TNFSF13: variants seen among roughly 807,000 people sequenced by gnomAD.
TNFSF13 encodes the protein tumor necrosis factor ligand superfamily member 13.
TNFSF13 carries 18 observed loss-of-function variants against 30.7 expected under a neutral mutation model. The ratio of observed to expected loss-of-function variants is 0.59; its 90% CI spans 0.41 to 0.87. TNFSF13 has a LOEUF of 0.87. Among genes scored for constraint, TNFSF13 ranks in the 40% least tolerant of loss-of-function variants. The probability of loss-of-function intolerance (pLI) is 0.00; values close to 1 mark genes in which losing one functional copy is unlikely to be tolerated. For synonymous variants in TNFSF13, 116 were observed against 123.2 expected (o/e 0.94, Z 0.39); for missense variants, 286 against 308.8 (o/e 0.93, Z 0.55).
chr17:7,559,430 G>A lies in TNFSF13; in HGVS notation c.258+133G>A. On this transcript the variant is annotated intron_variant, in intron 1 of 5. Coordinates refer to ENST00000338784, the MANE Select transcript of TNFSF13 (RefSeq NM_003808.4). The surrounding 1 kb of genome is among the most constrained non-coding windows in gnomAD (Gnocchi z 5.4). ...GGAAGTCAGGGGCGCGGCCATTCCA[G>A]GAAAGGAAACTGTTAAAGGTTAATG... The A allele has an allele frequency of 1.4e-6, 2 of 1,421,864 alleles. No homozygotes were observed. Among genetic ancestry groups the A allele is most frequent in the South Asian group, 2.9e-5 (2 of 67,892 alleles). The allele number at this position is 1,421,864 out of a possible 1,614,324, so 88.1% of individuals were successfully genotyped here. A position where few individuals can be genotyped will look rare whatever the true frequency, so the allele number is the denominator to read the frequency against.
Position 7,561,322 on chromosome 17 carries a change from C to T in TNFSF13, c.*489C>T. On this transcript the variant is annotated 3_prime_UTR_variant, in exon 6 of 6. Transcript: ENST00000338784. The surrounding 1 kb of genome is among the most constrained non-coding windows in gnomAD (Gnocchi z 4.4). Reference sequence around the variant, plus strand: ...CCATCTATCGGACCCCAGTTTCCATCACTATCTCCAGAGATGTAGCTATTA... The same window carrying T: ...CCATCTATCGGACCCCAGTTTCCATTACTATCTCCAGAGATGTAGCTATTA... 2.2e-6 allele frequency: 1 copy of T among 463,118 alleles called. No homozygotes were observed. Among genetic ancestry groups the T allele is most frequent in the Non-Finnish European group, 3.9e-6 (1 of 254,114 alleles). 28.7% of individuals were successfully genotyped at this position (463,118 alleles called of 1,614,324 possible).
In TNFSF13 at chr17:7,559,092, T is replaced by TG; in HGVS notation, c.59dup (p.Val22SerfsTer103). On this transcript the variant is annotated frameshift_variant, in exon 1 of 6. Transcript: ENST00000338784. LOFTEE classifies it high-confidence loss of function. The surrounding 1 kb of genome is among the most constrained non-coding windows in gnomAD (Gnocchi z 5.4). ...GCCCCCAAAGGGCCTCCAGGCAACA[T>TG]GGGGGGCCCAGTCAGAGAGCCGGCA... 1.3e-6 allele frequency: 2 copies of TG among 1,596,428 alleles called. No individual in the cohort carries two copies. The highest frequency in any genetic ancestry group is 1.7e-6 in the Non-Finnish European group (2 of 1,167,518).
chr17:7,559,811 T>G lies in TNFSF13; in HGVS notation c.338-35T>G. ...CTGCCAACAGCACAACGGGGGAAAG[T>G]GGATGCGGCTGAGATTCCCTCCTTC... is the stretch of plus-strand genomic sequence containing the variant. On this transcript the variant is annotated intron_variant, in intron 2 of 5. Transcript: ENST00000338784. The surrounding 1 kb of genome is among the most constrained non-coding windows in gnomAD (Gnocchi z 5.4). 1 of 1,614,008 alleles carries G rather than the reference T, an allele frequency of 6.2e-7. No individual in the cohort carries two copies. Among genetic ancestry groups the G allele is most frequent in the South Asian group, 1.1e-5 (1 of 91,066 alleles).
Position 7,559,938 on chromosome 17 carries a change from AGGAACTC to A in TNFSF13, c.385+48_385+54del. The A allele has an allele frequency of 6.2e-7, 1 of 1,614,052 alleles. No homozygotes were observed. Among genetic ancestry groups the A allele is most frequent in the Non-Finnish European group, 8.5e-7 (1 of 1,180,008 alleles). ...ATGGCTTTGGGGAGGGGCAATAACC[AGGAACTC>A]GGGCTGGCACTTGGGCTCAAGGGGT... On this transcript the variant is annotated intron_variant, in intron 3 of 5. Transcript: ENST00000338784. This position sits in a 1 kb window ranked among gnomAD's most constrained non-coding sequence, Gnocchi z 5.4.
In TNFSF13 at chr17:7,559,999, A is replaced by T. The variant is rs1467814050; in HGVS notation, c.386-50A>T. On this transcript the variant is annotated intron_variant, in intron 3 of 5. Coordinates refer to ENST00000338784, the MANE Select transcript of TNFSF13 (RefSeq NM_003808.4). This position sits in a 1 kb window ranked among gnomAD's most constrained non-coding sequence, Gnocchi z 5.4. ...TATAGGTGAAAGGGAAAGAACCAAA[A>T]AGCACCTGAGAGTGCCAAGAAGTCC... is the stretch of plus-strand genomic sequence containing the variant. 1 of 1,613,930 alleles carries T rather than the reference A, an allele frequency of 6.2e-7. No homozygotes were observed. Among genetic ancestry groups the T allele is most frequent in the Admixed American group, 1.7e-5 (1 of 59,992 alleles).
chr17:7,558,701 A>C (rs1034176340), upstream of TNFSF13: 7 of 173,574 alleles, frequency 4.0e-5, no homozygotes, highest in African/African-American at 9.6e-5. The surrounding 1 kb of genome is among the most constrained non-coding windows in gnomAD (Gnocchi z 4.3). Context: ...CCCTCCCCCA[A>C]CCCTGGGGCC....
Position 7,561,074 on chromosome 17 carries a change from G to A in TNFSF13, c.*241G>A. ...CTTGCGTGTGTGTAGATGAGGGGCG[G>A]GGGACGGGCGCCAGGCATTGTCCAG... On this transcript the variant is annotated 3_prime_UTR_variant, in exon 6 of 6. Coordinates refer to ENST00000338784, the MANE Select transcript of TNFSF13 (RefSeq NM_003808.4). The surrounding 1 kb of genome is among the most constrained non-coding windows in gnomAD (Gnocchi z 4.4). 1.9e-6 allele frequency: 3 copies of A among 1,597,240 alleles called. No homozygotes were observed. Among genetic ancestry groups the A allele is most frequent in the East Asian group, 2.3e-5 (1 of 44,350 alleles).
In TNFSF13 at chr17:7,561,189, C is replaced by G. The variant is rs924010069; in HGVS notation, c.*356C>G. 2 of 882,336 alleles carry G rather than the reference C, an allele frequency of 2.3e-6. No individual in the cohort carries two copies. Among genetic ancestry groups the G allele is most frequent in the African/African-American group, 3.3e-5 (2 of 59,930 alleles). The allele number at this position is 882,336 out of a possible 1,614,324, so 54.7% of individuals were successfully genotyped here. A position where few individuals can be genotyped will look rare whatever the true frequency, so the allele number is the denominator to read the frequency against. Reference sequence around the variant, plus strand: ...GCACCCGCCGGTTGGCCGAAGTCCACGAAGCCGCCCTCTGCTAGGGAAAAC... The same window carrying G: ...GCACCCGCCGGTTGGCCGAAGTCCAGGAAGCCGCCCTCTGCTAGGGAAAAC... On this transcript the variant is annotated 3_prime_UTR_variant, in exon 6 of 6. Coordinates refer to ENST00000338784, the MANE Select transcript of TNFSF13 (RefSeq NM_003808.4). The surrounding 1 kb of genome is among the most constrained non-coding windows in gnomAD (Gnocchi z 4.4).
In TNFSF13 at chr17:7,560,418, G is replaced by C. The variant is rs769120364; in HGVS notation, c.573G>C (p.Glu191Asp). 4.3e-6 allele frequency: 7 copies of C among 1,614,200 alleles called. No homozygotes were observed. The highest frequency in any genetic ancestry group is 5.9e-6 in the Non-Finnish European group (7 of 1,180,028). The change falls in exon 5 of 6, where the codon GAG becomes GAC. Residue 191 changes from glutamate (E) to aspartate (D), a missense_variant. Glu to Asp is a conservative substitution (Grantham distance 45). Coordinates refer to ENST00000338784, the MANE Select transcript of TNFSF13 (RefSeq NM_003808.4). The stretch of plus-strand genomic sequence containing the variant: ...CTCGAGAAGGCCAAGGAAGGCAGGA[G>C]ACTCTATTCCGATGTATAAGAAGTA... ...VVSREGQGRQ[E>D]TLFRCIRSMP...
chr17:7,561,054 G>A lies in TNFSF13; in HGVS notation c.*221G>A. The A allele has an allele frequency of 6.2e-7, 1 of 1,613,842 alleles. No homozygotes were observed. Among genetic ancestry groups the A allele is most frequent in the Non-Finnish European group, 8.5e-7 (1 of 1,179,880 alleles). ...TCCCCATGGAGCTCCGAATTCTTGCGTGTGTGTAGATGAGGGGCGGGGGAC... is the reference window on the plus strand; with the variant it reads ...TCCCCATGGAGCTCCGAATTCTTGCATGTGTGTAGATGAGGGGCGGGGGAC... On this transcript the variant is annotated 3_prime_UTR_variant, in exon 6 of 6. Coordinates refer to ENST00000338784, the MANE Select transcript of TNFSF13 (RefSeq NM_003808.4). This position sits in a 1 kb window ranked among gnomAD's most constrained non-coding sequence, Gnocchi z 4.4.
Position 7,558,883 on chromosome 17 carries a change from T to C in TNFSF13, c.-157T>C. 1.1e-6 allele frequency: 1 copy of C among 951,124 alleles called. No homozygotes were observed. Among genetic ancestry groups the C allele is most frequent in the Non-Finnish European group, 1.5e-6 (1 of 681,336 alleles). The allele number at this position is 951,124 out of a possible 1,614,324, so 58.9% of individuals were successfully genotyped here. ...AGCACTAACAGTACCCTTAGCTTGC[T>C]TTCCTCCTCCCTCCTTTTTATTTTC... On this transcript the variant is annotated 5_prime_UTR_variant, in exon 1 of 6. Coordinates refer to ENST00000338784, the MANE Select transcript of TNFSF13 (RefSeq NM_003808.4). The surrounding 1 kb of genome is among the most constrained non-coding windows in gnomAD (Gnocchi z 4.3).
chr17:7,559,263 G>A lies in TNFSF13; in HGVS notation c.224G>A (p.Gly75Glu). Residue 75 changes from glycine (G) to glutamate (E), a missense_variant, in exon 1 of 6, where the codon GGG becomes GAG. By Grantham distance (98) the Gly-to-Glu change is moderately conservative (BLOSUM62 -2). Transcript: ENST00000338784. This position sits in a 1 kb window ranked among gnomAD's most constrained non-coding sequence, Gnocchi z 5.4. ...LQGTGGPSQN[G>E]EGYPWQSLPE... Reference sequence around the variant, plus strand: ...GGGACAGGAGGCCCCTCCCAGAATGGGGAAGGGTATCCCTGGCAGAGTCTC... The same window carrying A: ...GGGACAGGAGGCCCCTCCCAGAATGAGGAAGGGTATCCCTGGCAGAGTCTC... 6.2e-7 allele frequency: 1 copy of A among 1,608,756 alleles called. No homozygotes were observed. The highest frequency in any genetic ancestry group is 2.2e-5 in the East Asian group (1 of 44,788).
Position 7,561,325 on chromosome 17 carries a change from T to C in TNFSF13, c.*492T>C. 2.2e-6 allele frequency: 1 copy of C among 452,242 alleles called. No homozygotes were observed. Among genetic ancestry groups the C allele is most frequent in the South Asian group, 2.4e-5 (1 of 42,280 alleles). The allele number at this position is 452,242 out of a possible 1,614,324, so 28.0% of individuals were successfully genotyped here. On this transcript the variant is annotated 3_prime_UTR_variant, in exon 6 of 6. Transcript: ENST00000338784. The surrounding 1 kb of genome is among the most constrained non-coding windows in gnomAD (Gnocchi z 4.4). The stretch of plus-strand genomic sequence containing the variant: ...TCTATCGGACCCCAGTTTCCATCAC[T>C]ATCTCCAGAGATGTAGCTATTATGC...
Position 7,560,843 on chromosome 17 carries a change from A to G in TNFSF13, c.*10A>G, listed in dbSNP as rs778088769. On this transcript the variant is annotated 3_prime_UTR_variant, in exon 6 of 6. Transcript: ENST00000338784. ...GTTTGTGAAACTGTGATTGTGTTAT[A>G]AAAAGTGGCTCCCAGCTTGGAAGAC... The G allele has an allele frequency of 6.2e-7, 1 of 1,613,840 alleles. No homozygotes were observed. Among genetic ancestry groups the G allele is most frequent in the Non-Finnish European group, 8.5e-7 (1 of 1,179,786 alleles).
In TNFSF13 at chr17:7,559,351, T is replaced by C. The variant is rs1016303684; in HGVS notation, c.258+54T>C. 6 of 1,512,888 alleles carry C rather than the reference T, an allele frequency of 4.0e-6. No individual in the cohort carries two copies. The highest frequency in any genetic ancestry group is 1.3e-5 in the South Asian group (1 of 76,858). The allele number at this position is 1,512,888 out of a possible 1,614,324, so 93.7% of individuals were successfully genotyped here. A position where few individuals can be genotyped will look rare whatever the true frequency, so the allele number is the denominator to read the frequency against. ...GAGGATGGTTAGCATGGGGGGTCTC[T>C]GGGCCTCCTGGTCTGCAAAGTTTCA... On this transcript the variant is annotated intron_variant, in intron 1 of 5. Coordinates refer to ENST00000338784, the MANE Select transcript of TNFSF13 (RefSeq NM_003808.4). The surrounding 1 kb of genome is among the most constrained non-coding windows in gnomAD (Gnocchi z 5.4).
Position 7,560,385 on chromosome 17 carries a change from G to C in TNFSF13, c.540G>C (p.Gln180His). 1.2e-6 allele frequency: 2 copies of C among 1,614,180 alleles called. No individual in the cohort carries two copies. Among genetic ancestry groups the C allele is most frequent in the African/African-American group, 1.3e-5 (1 of 75,044 alleles). The change falls in exon 5 of 6, where the codon CAG becomes CAC. Residue 180 changes from glutamine to histidine, a missense_variant. Physicochemically the swap from Gln to His is conservative, Grantham distance 24 (BLOSUM62 0). Coordinates refer to ENST00000338784, the MANE Select transcript of TNFSF13 (RefSeq NM_003808.4). ...AAGACGTGACTTTCACCATGGGTCAGGTGGTGTCTCGAGAAGGCCAAGGAA... is the reference window on the plus strand; with the variant it reads ...AAGACGTGACTTTCACCATGGGTCACGTGGTGTCTCGAGAAGGCCAAGGAA... ...LFQDVTFTMGQVVSREGQGRQ... is the reference protein window; with the variant it reads ...LFQDVTFTMGHVVSREGQGRQ...
At chr17:7,560,571 G>C in intron 5 of TNFSF13, 83 bp downstream of exon 5, 1 of 1,610,388 alleles carries the variant, frequency 6.2e-7, no homozygotes, top group Non-Finnish European at 8.5e-7. Flanking sequence ...GAGGGAGGTT[G>C]GAAACCTAAA....
chr17:7,560,706 C>G lies in TNFSF13; in HGVS notation c.644-18C>G, dbSNP rs1427716015. 6.2e-7 allele frequency: 1 copy of G among 1,614,130 alleles called. No homozygotes were observed. Among genetic ancestry groups the G allele is most frequent in the Non-Finnish European group, 8.5e-7 (1 of 1,180,034 alleles). On this transcript the variant is annotated intron_variant, in intron 5 of 5. Transcript: ENST00000338784. ...ATGGCTGTGCTTCACTGCGAATCTA[C>G]TTTCTCTCTTTTCTCAGGTGTCTTC...
chr17:7,558,677 A>C, upstream of TNFSF13: 2 of 161,978 alleles, frequency 1.2e-5, no homozygotes, highest in East Asian at 1.7e-4. The surrounding 1 kb of genome is among the most constrained non-coding windows in gnomAD (Gnocchi z 4.3). Flanking sequence ...AATGCCCTCT[A>C]GCCAGCCAAC....
Sources: allele counts gnomAD v4.1 joint callset, GRCh38; gene constraint gnomAD v4.1.1; non-coding constraint Gnocchi (gnomAD v3.1); transcripts MANE v1.5; gene names NCBI Gene and HGNC (gene_info 2026-07-23, HGNC 2026-07-21).